Variants in EIF4H observed in about 807,000 individuals in gnomAD.
EIF4H encodes the protein Williams-Beuren syndrome chromosome region 1.
A neutral mutation model predicts 30.6 loss-of-function variants in EIF4H; 8 were observed. The ratio of observed to expected loss-of-function variants is 0.26; its 90% CI spans 0.15 to 0.47. The LOEUF is 0.47. EIF4H is among the 20% of genes least tolerant of loss of function. EIF4H has a pLI of 0.99. For missense variants in EIF4H, 188 were observed against 339.5 expected (o/e 0.55, Z 3.51); for synonymous variants, 106 against 122.7 (o/e 0.86, Z 0.90).
intron 1 of EIF4H, among the ~76,000 whole-genome samples, chr7:74,184,309 T>C (rs1204317813): frequency 6.6e-6 from 1 of 152,194 alleles, no homozygotes; most frequent in Non-Finnish European, 1.5e-5. Flanking sequence ...GTTCCACAGT[T>C]CCTCTACTCT....
chr7:74,190,214 G>T, intron 4 of EIF4H, 33 bp from the exon 5 acceptor site: 1 of 1,605,632 alleles, frequency 6.2e-7, no homozygotes, highest in Non-Finnish European at 8.5e-7. Flanking sequence ...GTAATGACAC[G>T]ACCTCAACTT....
At chr7:74,191,406 C>A in intron 5 of EIF4H, 1 of 412,052 alleles carries the variant, frequency 2.4e-6, no homozygotes, top group Non-Finnish European at 4.8e-6. Flanking sequence ...CTACCCTTGG[C>A]TTAGCTTGGC....
chr7:74,178,690 T>C (rs559632843), intron 1 of EIF4H, among the ~76,000 whole-genome samples: 25 of 152,306 alleles, frequency 1.6e-4, no homozygotes, highest in African/African-American at 6.0e-4. Context: ...CCCTGGAAGG[T>C]TCAGGAGAGT....
intron 1 of EIF4H, among the ~76,000 whole-genome samples, chr7:74,179,602 C>A (rs112739895): frequency 0.063 from 9,456 of 150,012 alleles, 970 homozygotes; most frequent in African/African-American, 0.21. Flanking sequence ...ACTGCACTCC[C>A]GCCTGGGCGA....
chr7:74,194,626 A>C, intron 5 of EIF4H, 115 bp from the exon 6 acceptor site: 1 of 1,390,822 alleles, frequency 7.2e-7, no homozygotes. Context: ...GACTTCAGAT[A>C]GTGGACAAAC....
chr7:74,187,194 G>C (rs1331166940), intron 1 of EIF4H, among the ~76,000 whole-genome samples: 1 of 152,022 alleles, frequency 6.6e-6, no homozygotes, highest in Admixed American at 6.6e-5. Flanking sequence ...CTTTGGGAGG[G>C]TGAGGCAGGC....
intron 1 of EIF4H, among the ~76,000 whole-genome samples, chr7:74,178,698 A>C (rs369886229): frequency 4.6e-4 from 70 of 152,204 alleles, no homozygotes; most frequent in African/African-American, 1.6e-3. Flanking sequence ...GGTTCAGGAG[A>C]GTATTTGTCG....
chr7:74,178,366 G>A (rs776084495), intron 1 of EIF4H, among the ~76,000 whole-genome samples: 5 of 152,014 alleles, frequency 3.3e-5, no homozygotes, highest in African/African-American at 1.2e-4. Flanking sequence ...CCTGACCAAC[G>A]TGGCAAAACC....
At chr7:74,180,493 T>TC (rs1217534487) in intron 1 of EIF4H, among the ~76,000 whole-genome samples, 64 of 152,348 alleles carry the variant, frequency 4.2e-4, no homozygotes, top group African/African-American at 1.5e-3. Context: ...TTTAAATACT[T>TC]CAAGTGCATG....
rs1333607297 is a variant in EIF4H, at chr7:74,194,764, G to A, written c.493G>A (p.Gly165Ser). Residue 165 changes from glycine (G) to serine (S), a missense_variant, in exon 6 of 7, where the codon GGC becomes AGC. Physicochemically the swap from Gly to Ser is moderately conservative, Grantham distance 56. Transcript: ENST00000265753. The stretch of plus-strand genomic sequence containing the variant: ...AGGCTTCAGGGATGACTTCTTAGGG[G>A]GCAGGGGAGGTAGTCGCCCAGGCGA... Reference protein sequence around the residue: ...NSGFRDDFLGGRGGSRPGDRR... With the variant: ...NSGFRDDFLGSRGGSRPGDRR... 4 of 1,597,738 alleles carry A rather than the reference G, an allele frequency of 2.5e-6. No homozygotes were observed. Among genetic ancestry groups the A allele is most frequent in the Non-Finnish European group, 3.4e-6 (4 of 1,166,720 alleles).
At position 74,187,646 on chromosome 7, in the gene EIF4H, G is replaced by A; in HGVS notation, c.95G>A (p.Ser32Asn). ...RGSAGGHGSR[S>N]QKELPTEPPY... ...AGTGCTGGTGGCCATGGTTCCCGTAGCCAGAAGGAGTTGCCCACAGAGCCC... is the reference window on the plus strand; with the variant it reads ...AGTGCTGGTGGCCATGGTTCCCGTAACCAGAAGGAGTTGCCCACAGAGCCC... Residue 32 changes from serine (S) to asparagine (N), a missense_variant, in exon 2 of 7, where the codon AGC becomes AAC. By Grantham distance (46) the Ser-to-Asn change is conservative. This residue lies in a region of EIF4H where 52 missense variants were observed against 143.9 expected (regional missense o/e 0.36). Transcript: ENST00000265753. The A allele has an allele frequency of 6.2e-7, 1 of 1,610,580 alleles. No individual in the cohort carries two copies. The highest frequency in any genetic ancestry group is 8.5e-7 in the Non-Finnish European group (1 of 1,177,760).
chr7:74,188,354 C>G (rs1404212699), intron 2 of EIF4H, among the ~76,000 whole-genome samples: 1 of 152,168 alleles, frequency 6.6e-6, no homozygotes, highest in African/African-American at 2.4e-5. Context: ...AGAAGGGATC[C>G]GAGCAGCATT....
chr7:74,192,150 G>A (rs1045174619), intron 5 of EIF4H, among the ~76,000 whole-genome samples: 4 of 152,164 alleles, frequency 2.6e-5, no homozygotes, highest in South Asian at 2.1e-4. Context: ...TTTGTTTCAC[G>A]CTAGACATTG....
intron 1 of EIF4H, among the ~76,000 whole-genome samples, chr7:74,184,394 G>A (rs1200087539): frequency 6.6e-6 from 1 of 152,024 alleles, no homozygotes; most frequent in Non-Finnish European, 1.5e-5. Context: ...ACACCCGAGA[G>A]TTTATCATCT....
chr7:74,186,687 G>A (rs1291166395), intron 1 of EIF4H, among the ~76,000 whole-genome samples: 1 of 150,682 alleles, frequency 6.6e-6, no homozygotes, highest in Non-Finnish European at 1.5e-5. Context: ...AGGACCCTGT[G>A]AAGTATTGCA....
At position 74,189,836 on chromosome 7, in the gene EIF4H, G is replaced by A. The variant is rs782151567; in HGVS notation, c.327G>A (p.Arg109=). The A allele has an allele frequency of 2.5e-6, 4 of 1,614,000 alleles. No individual in the cohort carries two copies. The highest frequency in any genetic ancestry group is 3.4e-6 in the Non-Finnish European group (4 of 1,180,022). Residue 109 remains arginine, a synonymous_variant, in exon 4 of 7, where the codon CGG becomes CGA. Transcript: ENST00000265753. The part of the protein sequence containing the change: ...LTYDGALLGD[R]SLRVDIAEGR... ...TTTATCATTAGCTGTTGGGCGATCG[G>A]TCACTTCGTGTGGACATTGCAGAAG...
Position 74,196,976 on chromosome 7 carries a change from CTT to C in EIF4H, c.*1671_*1672del, listed in dbSNP as rs1801368086. 1 of 152,472 alleles carries C rather than the reference CTT, an allele frequency of 6.6e-6. No individual in the cohort carries two copies. The highest frequency in any genetic ancestry group is 1.5e-5 in the Non-Finnish European group (1 of 68,022). 9.4% of individuals were successfully genotyped at this position (152,472 alleles called of 1,614,324 possible). A position where few individuals can be genotyped will look rare whatever the true frequency, so the allele number is the denominator to read the frequency against. On this transcript the variant is annotated 3_prime_UTR_variant, in exon 7 of 7. Transcript: ENST00000265753. ...CTAAACTGCTGGGCAATCCAGTTGACTTTTAAATGTAAGAATGGAATTCCAAA... is the reference window on the plus strand; with the variant it reads ...CTAAACTGCTGGGCAATCCAGTTGACTTAAATGTAAGAATGGAATTCCAAA...
intron 1 of EIF4H, chr7:74,183,867 C>T (rs1801021449): frequency 6.6e-6 from 1 of 152,334 alleles, no homozygotes; most frequent in Non-Finnish European, 1.5e-5. Flanking sequence ...ATGAGGTCTA[C>T]CTCCATGGCC....
At chr7:74,180,656 A>T (rs1315454685) in intron 1 of EIF4H, among the ~76,000 whole-genome samples, 1 of 152,192 alleles carries the variant, frequency 6.6e-6, no homozygotes, top group East Asian at 1.9e-4. Context: ...AGCACACTGG[A>T]GCCTATGAAG....
Sources: gnomAD v4.1 joint callset for allele counts (sites outside exome capture counted in the v4.1 genomes callset) on GRCh38, gnomAD v4.1.1 for gene constraint, gnomAD v4.1.1 regional missense constraint, MANE v1.5 for transcripts, NCBI Gene and HGNC (gene_info 2026-07-23, HGNC 2026-07-21) for gene names.